The following LRRC31 variants were observed in gnomAD, a reference collection of about 807,000 sequenced individuals.
The protein encoded by LRRC31 is leucine rich repeat containing 31.
In LRRC31, 35 loss-of-function variants were observed where a neutral mutation model predicts 46.7. The observed-to-expected ratio is 0.75, with a 90% confidence interval of 0.57 to 0.99. LRRC31 has a LOEUF of 0.99. Ranked by LOEUF, LRRC31 falls within the 50% of genes least tolerant of loss-of-function variation. The pLI, the probability that LRRC31 is intolerant of heterozygous loss-of-function variation, is 0.00. For missense variants in LRRC31, 613 were observed against 626.1 expected (o/e 0.98, Z 0.22); for synonymous variants, 236 against 235.1 (o/e 1.00, Z -0.03).
At position 169,847,436 on chromosome 3, in the gene LRRC31, C is replaced by T. The variant is rs575083940; in HGVS notation, c.1327+684G>A. On this transcript the variant is annotated intron_variant, in intron 8 of 8. Transcript: ENST00000316428. ...CTGACCTCAAGTGATCCGCCAGCCT[C>T]GGCCTCCCAAAGCGTTGGGATTATA... is the stretch of plus-strand genomic sequence containing the variant. Among the ~76,000 whole-genome samples the T allele has an allele frequency of 4.1e-4, 63 of 152,324 alleles. 1 individual carries two copies. Among genetic ancestry groups the T allele is most frequent in the African/African-American group, 1.4e-3 (60 of 41,584 alleles).
intron 8 of LRRC31, among the ~76,000 whole-genome samples, chr3:169,843,499 G>C (rs1423944272): frequency 6.6e-6 from 1 of 152,174 alleles, no homozygotes; most frequent in Non-Finnish European, 1.5e-5. Context: ...TGTGAGCCGG[G>C]TGAGGGATGA....
intron 5 of LRRC31, 113 bp from the exon 6 acceptor site, chr3:169,855,093 C>A (rs1205076764): frequency 3.5e-6 from 3 of 850,688 alleles, no homozygotes; most frequent in Non-Finnish European, 5.5e-6. Context: ...GAGTTCGAGT[C>A]CAGCTTGGGC....
intron 1 of LRRC31, among the ~76,000 whole-genome samples, chr3:169,865,879 C>T (rs1046201804): frequency 2.0e-5 from 3 of 151,842 alleles, no homozygotes; most frequent in South Asian, 2.1e-4. Context: ...GATGGTGACA[C>T]GAGGGAACAT....
chr3:169,842,412 G>A (rs139699234), intron 8 of LRRC31, among the ~76,000 whole-genome samples: 11 of 152,200 alleles, frequency 7.2e-5, no homozygotes, highest in East Asian at 5.8e-4. Context: ...GTGCAATGGC[G>A]CAATCTCAGC....
intron 7 of LRRC31, among the ~76,000 whole-genome samples, chr3:169,851,151 C>G (rs980701921): frequency 1.3e-5 from 2 of 152,100 alleles, no homozygotes; most frequent in African/African-American, 2.4e-5. Context: ...CAGATCCTCA[C>G]CATGTCCTGC....
Position 169,839,922 on chromosome 3 carries a change from C to T in LRRC31, c.*60G>A. 4 of 1,365,344 alleles carry T rather than the reference C, an allele frequency of 2.9e-6. No homozygotes were observed. Among genetic ancestry groups the T allele is most frequent in the African/African-American group, 1.5e-5 (1 of 68,764 alleles). The allele number at this position is 1,365,344 out of a possible 1,614,324, so 84.6% of individuals were successfully genotyped here. ...AAATTCAGTTCATGACTCTGGAATT[C>T]GTTCATGTTCTTTTCCTTTGGAGAA... On this transcript the variant is annotated 3_prime_UTR_variant, in exon 9 of 9. Coordinates refer to ENST00000316428, the MANE Select transcript of LRRC31 (RefSeq NM_024727.4).
intron 8 of LRRC31, among the ~76,000 whole-genome samples, chr3:169,840,542 AT>A (rs920054202): frequency 3.2e-4 from 49 of 151,638 alleles, no homozygotes; most frequent in Middle Eastern, 3.4e-3. Flanking sequence ...CAACCCAATA[AT>A]TTTTTTTTGT....
chr3:169,867,047 G>GTTTTT (rs1560636105), intron 1 of LRRC31, among the ~76,000 whole-genome samples: 11 of 92,644 alleles, frequency 1.2e-4, no homozygotes, highest in African/African-American at 6.7e-4. Context: ...GGTTTTTTTT[G>GTTTTT]TTTGTTTGTT....
In LRRC31 at chr3:169,839,814, G is replaced by T; in HGVS notation, c.*168C>A. The T allele has an allele frequency of 4.8e-6, 1 of 207,514 alleles. No individual in the cohort carries two copies. The highest frequency in any genetic ancestry group is 9.1e-6 in the Non-Finnish European group (1 of 109,490). The allele number at this position is 207,514 out of a possible 1,614,324, so 12.9% of individuals were successfully genotyped here. A position where few individuals can be genotyped will look rare whatever the true frequency, so the allele number is the denominator to read the frequency against. ...GTATATTATATATATGTGTATATAT[G>T]TATATTACATATATATATGTAATAT... On this transcript the variant is annotated 3_prime_UTR_variant, in exon 9 of 9. Transcript: ENST00000316428.
intron 2 of LRRC31, among the ~76,000 whole-genome samples, chr3:169,861,414 G>C (rs1193366687): frequency 5.9e-5 from 9 of 151,788 alleles, no homozygotes; most frequent in Admixed American, 5.2e-4. Context: ...AACCTACTCG[G>C]GAGGCTGAGG....
intron 3 of LRRC31, among the ~76,000 whole-genome samples, chr3:169,859,403 G>A (rs1341323334): frequency 6.6e-6 from 1 of 152,214 alleles, no homozygotes; most frequent in Non-Finnish European, 1.5e-5. Context: ...ATGGGCCGGG[G>A]GACGTCAGCT....
intron 6 of LRRC31, among the ~76,000 whole-genome samples, chr3:169,854,339 A>C (rs1780878348): frequency 6.6e-6 from 1 of 152,356 alleles, no homozygotes; most frequent in Admixed American, 6.5e-5. Flanking sequence ...CTATGTTTGC[A>C]GTAGGAAAAT....
At chr3:169,857,753 A>G (rs998722047) in intron 3 of LRRC31, among the ~76,000 whole-genome samples, 1 of 152,104 alleles carries the variant, frequency 6.6e-6, no homozygotes, top group Non-Finnish European at 1.5e-5. Flanking sequence ...AGTCCCCTGT[A>G]TCTAGAACCC....
rs34162537 is a variant in LRRC31 at position 169,857,318 on chromosome 3, CTATATA to C, written c.488-452_488-447del. On this transcript the variant is annotated intron_variant, in intron 3 of 8. Transcript: ENST00000316428. The stretch of plus-strand genomic sequence containing the variant: ...CTCCAATGTCAAGAATATCACATGC[CTATATA>C]TATATATATATATATATATATACAC... Among the ~76,000 whole-genome samples the C allele has an allele frequency of 2.6e-3, 172 of 66,454 alleles. 4 individuals carry two copies. The highest frequency in any genetic ancestry group is 0.022 in the South Asian group (43 of 1,916). 43.6% of individuals were successfully genotyped at this position (66,454 alleles called of 152,430 possible).
In LRRC31 at chr3:169,839,822, CAT is replaced by C. The variant is rs544636612; in HGVS notation, c.*158_*159del. On this transcript the variant is annotated 3_prime_UTR_variant, in exon 9 of 9. Coordinates refer to ENST00000316428, the MANE Select transcript of LRRC31 (RefSeq NM_024727.4). ...TATATATGTGTATATATGTATATTA[CAT>C]ATATATATGTAATATATATATATAT... is the stretch of plus-strand genomic sequence containing the variant. 1.2e-3 allele frequency: 259 copies of C among 219,374 alleles called. 2 individuals carry two copies. The highest frequency in any genetic ancestry group is 4.7e-3 in the African/African-American group (197 of 42,152). 13.6% of individuals were successfully genotyped at this position (219,374 alleles called of 1,614,324 possible). A position where few individuals can be genotyped will look rare whatever the true frequency, so the allele number is the denominator to read the frequency against.
At chr3:169,849,426 G>A (rs1413044116) in intron 7 of LRRC31, among the ~76,000 whole-genome samples, 2 of 152,180 alleles carry the variant, frequency 1.3e-5, no homozygotes, top group African/African-American at 2.4e-5. Context: ...AGAAACAGCT[G>A]TGCCTTCTAA....
chr3:169,860,375 C>T (rs1012641710), intron 3 of LRRC31, among the ~76,000 whole-genome samples, 186 bp downstream of exon 3: 9 of 151,600 alleles, frequency 5.9e-5, no homozygotes, highest in African/African-American at 2.2e-4. Context: ...CTACAGGAGC[C>T]CACCACCACA....
Position 169,851,762 on chromosome 3 carries a change from T to G in LRRC31, c.1016A>C (p.Asn339Thr), listed in dbSNP as rs371756656. The G allele has an allele frequency of 2.5e-6, 4 of 1,614,036 alleles. No individual in the cohort carries two copies. In the African/African-American group the frequency reaches 5.3e-5, roughly 22 times the overall value. ...GGCTGATAAATCCAATTCTTGAAGA[T>G]TTGAAAGTAAAGGAATGACCTGGGC... ...SLTQVIPLLS[N>T]LQELDLSANK... The change falls in exon 7 of 9, where the codon AAT becomes ACT. Residue 339 changes from asparagine (N) to threonine (T), a missense_variant. Asn to Thr is a moderately conservative substitution (Grantham distance 65). Transcript: ENST00000316428.
chr3:169,848,364 G>A, intron 7 of LRRC31, 77 bp from the exon 8 acceptor site: 1 of 1,363,238 alleles, frequency 7.3e-7, no homozygotes, highest in African/African-American at 1.5e-5. Context: ...GAGGAAACTG[G>A]TCTAGGACAA....
Sources: gnomAD v4.1 joint callset for allele counts (sites outside exome capture counted in the v4.1 genomes callset) on GRCh38, gnomAD v4.1.1 for gene constraint, MANE v1.5 for transcripts, NCBI Gene and HGNC (gene_info 2026-07-23, HGNC 2026-07-21) for gene names.